Variants in MACROD2 observed in about 807,000 individuals in gnomAD.
MACROD2 encodes the protein ADP-ribose glycohydrolase MACROD2.
Under a neutral mutation model 70.4 loss-of-function variants are expected in MACROD2, and 36 were observed. That is an observed-to-expected ratio of 0.51 (90% CI 0.39 to 0.68). The LOEUF (loss-of-function observed/expected upper bound fraction) is 0.68, where lower values mean the gene tolerates loss of function less well. Ranked by LOEUF, MACROD2 falls within the 30% of genes least tolerant of loss-of-function variation. MACROD2 has a pLI of 0.00. For synonymous variants in MACROD2, 172 were observed against 178.8 expected, an observed-to-expected ratio of 0.96 and a Z score of 0.30; for missense variants, 496 against 538.4, an observed-to-expected ratio of 0.92 and a Z score of 0.78.
In MACROD2 at chr20:14,902,599, T is replaced by C. The variant is rs138998132; in HGVS notation, c.418+217640T>C. Among the ~76,000 whole-genome samples, 16 of 152,198 alleles carry C rather than the reference T, an allele frequency of 1.1e-4. No individual in the cohort carries two copies. The East Asian group carries it at 3.1e-3, about 29-fold the overall frequency. On this transcript the variant is annotated intron_variant, in intron 5 of 17. Transcript: ENST00000684519. ...AGTCTAGGGGGAAGTGAGAGCCAAT[T>C]TGTGGTCAGGGTTGCCAAAGAGCCA...
intron 3 of MACROD2, among the ~76,000 whole-genome samples, chr20:14,169,974 A>G (rs866234371): frequency 1.4e-4 from 22 of 151,824 alleles, no homozygotes; most frequent in African/African-American, 4.8e-4. Context: ...GCTCACTGCA[A>G]TCTCCACTTC....
In MACROD2 at chr20:14,129,225, C is replaced by T. The variant is rs76051431; in HGVS notation, c.271+43497C>T. The stretch of plus-strand genomic sequence containing the variant: ...TCATGGAAGGAGGTCACAATATTAA[C>T]ACGAACAGAAATTTGGAAGAAGTTG... On this transcript the variant is annotated intron_variant, in intron 3 of 17. Coordinates refer to ENST00000684519, the MANE Select transcript of MACROD2 (RefSeq NM_001351661.2). Among the ~76,000 whole-genome samples, 143 of 152,248 alleles carry T rather than the reference C, an allele frequency of 9.4e-4. 6 individuals are homozygous for T. In the East Asian group the frequency reaches 0.026, roughly 28 times the overall value.
chr20:15,512,455 C>G (rs1004479587), intron 8 of MACROD2, among the ~76,000 whole-genome samples: 1 of 152,048 alleles, frequency 6.6e-6, no homozygotes, highest in African/African-American at 2.4e-5. Flanking sequence ...TTAGCATACA[C>G]AACTTAATTC....
chr20:15,047,121 A>C (rs1036986988), intron 5 of MACROD2, among the ~76,000 whole-genome samples: 1 of 152,134 alleles, frequency 6.6e-6, no homozygotes, highest in Non-Finnish European at 1.5e-5. Context: ...GATGTCTCTT[A>C]TTTACTAATG....
At chr20:14,928,966 G>A (rs2074266071) in intron 5 of MACROD2, among the ~76,000 whole-genome samples, 1 of 152,114 alleles carries the variant, frequency 6.6e-6, no homozygotes. Context: ...TGTTTGTTTG[G>A]TTTGCTCTAA....
chr20:15,801,005 G>A (rs998451561), intron 8 of MACROD2, among the ~76,000 whole-genome samples: 3 of 150,742 alleles, frequency 2.0e-5, no homozygotes, highest in African/African-American at 4.9e-5. Flanking sequence ...CTCCTTAAGA[G>A]TCATCGCCAC....
At chr20:14,669,976 T>G (rs558497675) in intron 4 of MACROD2, among the ~76,000 whole-genome samples, 1 of 152,100 alleles carries the variant, frequency 6.6e-6, no homozygotes, top group African/African-American at 2.4e-5. Flanking sequence ...ACCTGCGCCT[T>G]GAGAAGGGTC....
At chr20:14,553,406 A>G (rs1298144738) in intron 4 of MACROD2, among the ~76,000 whole-genome samples, 1 of 140,840 alleles carries the variant, frequency 7.1e-6, no homozygotes, top group Admixed American at 7.0e-5. Flanking sequence ...TTTTCTAGTT[A>G]ACTTTTTTTT....
At chr20:14,095,232 G>C (rs1164808978) in intron 3 of MACROD2, among the ~76,000 whole-genome samples, 1 of 152,042 alleles carries the variant, frequency 6.6e-6, no homozygotes, top group Non-Finnish European at 1.5e-5. Flanking sequence ...GGCTTTATAA[G>C]ATTTTTACCA....
intron 8 of MACROD2, among the ~76,000 whole-genome samples, chr20:15,844,734 A>G (rs925590444): frequency 4.6e-5 from 7 of 152,162 alleles, no homozygotes; most frequent in African/African-American, 9.6e-5. Flanking sequence ...GAATGAATGT[A>G]TACATTCAAC....
intron 15 of MACROD2, among the ~76,000 whole-genome samples, chr20:16,017,236 C>T (rs2066941668): frequency 6.6e-6 from 1 of 152,182 alleles, no homozygotes; most frequent in Non-Finnish European, 1.5e-5. Context: ...GACCTTTGTA[C>T]TTACTACTAC....
At chr20:14,847,964 G>T (rs2122300979) in intron 5 of MACROD2, among the ~76,000 whole-genome samples, 1 of 152,140 alleles carries the variant, frequency 6.6e-6, no homozygotes, top group South Asian at 2.1e-4. Flanking sequence ...CTATTCTTAG[G>T]GAATATCATC....
chr20:16,034,211 A>G (rs1175160011), intron 15 of MACROD2, among the ~76,000 whole-genome samples: 1 of 152,050 alleles, frequency 6.6e-6, no homozygotes, highest in Non-Finnish European at 1.5e-5. Context: ...CCACATGATG[A>G]TTATTTTAGA....
intron 3 of MACROD2, among the ~76,000 whole-genome samples, chr20:14,301,782 C>T (rs2082477231): frequency 1.3e-5 from 2 of 151,930 alleles, no homozygotes; most frequent in Non-Finnish European, 2.9e-5. Flanking sequence ...AACCTGTTTC[C>T]CTCTTTTGAA....
intron 5 of MACROD2, among the ~76,000 whole-genome samples, chr20:14,962,533 C>T (rs1042773906): frequency 6.8e-6 from 1 of 147,286 alleles, no homozygotes; most frequent in Non-Finnish European, 1.5e-5. Flanking sequence ...CTCTTTCTCT[C>T]TCTCTCTCTT....
At chr20:14,968,414 A>G (rs547196444) in intron 5 of MACROD2, among the ~76,000 whole-genome samples, 38 of 152,274 alleles carry the variant, frequency 2.5e-4, no homozygotes, top group Middle Eastern at 3.4e-3. Flanking sequence ...TTTGTTGGTT[A>G]GCATCATCTG....
chr20:14,011,673 C>T (rs550729439), intron 2 of MACROD2, among the ~76,000 whole-genome samples: 79 of 152,042 alleles, frequency 5.2e-4, no homozygotes, highest in African/African-American at 1.8e-3. Flanking sequence ...GGACTCCAGG[C>T]GCCCGCCACC....
At chr20:14,469,275 T>G (rs1400082527) in intron 3 of MACROD2, among the ~76,000 whole-genome samples, 1 of 152,196 alleles carries the variant, frequency 6.6e-6, no homozygotes, top group Non-Finnish European at 1.5e-5. Context: ...TTCTGGCTTG[T>G]AGGGTTTCTG....
At chr20:14,392,077 A>T (rs2083533018) in intron 3 of MACROD2, among the ~76,000 whole-genome samples, 1 of 151,360 alleles carries the variant, frequency 6.6e-6, no homozygotes, top group African/African-American at 2.4e-5. Context: ...TTTTAATTTC[A>T]TTTGTTATTC....
Sources: gnomAD v4.1 joint callset for allele counts (sites outside exome capture counted in the v4.1 genomes callset) on GRCh38, gnomAD v4.1.1 for gene constraint, MANE v1.5 for transcripts, NCBI Gene and HGNC (gene_info 2026-07-23, HGNC 2026-07-21) for gene names.